The following ESR1 variants were observed in gnomAD, a reference collection of about 807,000 sequenced individuals.
The protein encoded by ESR1 is estrogen receptor.
A neutral mutation model predicts 52.7 loss-of-function variants in ESR1; 12 were observed. That is an observed-to-expected ratio of 0.23 (90% CI 0.15 to 0.37). The LOEUF (loss-of-function observed/expected upper bound fraction) is 0.37, where lower values mean the gene tolerates loss of function less well. Ranked by LOEUF, ESR1 falls within the 10% of genes least tolerant of loss-of-function variation. The pLI is 1.00. For synonymous variants in ESR1, 305 were observed against 316.8 expected (o/e 0.96, Z 0.39); for missense variants, 584 against 779.7 (o/e 0.75, Z 2.99).
At chr6:151,732,133 A>T (rs1000342175) in intron 2 of ESR1, among the ~76,000 whole-genome samples, 6 of 152,362 alleles carry the variant, frequency 3.9e-5, no homozygotes, top group African/African-American at 1.4e-4. Context: ...GATAATTTTT[A>T]TAATAGAGTT....
At chr6:151,835,221 A>G (rs1478154672) in intron 1 of ESR1, among the ~76,000 whole-genome samples, 1 of 152,054 alleles carries the variant, frequency 6.6e-6, no homozygotes, top group Admixed American at 6.6e-5. Context: ...TGGGAAAGAT[A>G]CTTATTTTAA....
At position 151,846,485 on chromosome 6, in the gene ESR1, T is replaced by C. The variant is rs527475040; in HGVS notation, c.643+3698T>C. Reference sequence around the variant, plus strand: ...AAATCACACTGCCCCTCAAACACATTTAAGGATGGTGAAGGGTCTGACACG... The same window carrying C: ...AAATCACACTGCCCCTCAAACACATCTAAGGATGGTGAAGGGTCTGACACG... On this transcript the variant is annotated intron_variant, in intron 2 of 7. Transcript: ENST00000206249. Among the ~76,000 whole-genome samples the C allele has an allele frequency of 4.0e-4, 61 of 152,298 alleles. 1 individual carries two copies. The South Asian group carries it at 0.012, about 31-fold the overall frequency.
At chr6:151,850,635 A>T (rs1583665229) in intron 2 of ESR1, among the ~76,000 whole-genome samples, 1 of 151,498 alleles carries the variant, frequency 6.6e-6, no homozygotes, top group African/African-American at 2.4e-5. Context: ...TTTCTCAGTG[A>T]CTCCCCTGTG....
intron 2 of ESR1, among the ~76,000 whole-genome samples, chr6:151,746,835 C>G (rs538281921): frequency 6.6e-6 from 1 of 152,200 alleles, no homozygotes; most frequent in African/African-American, 2.4e-5. Flanking sequence ...CTGGCCATTG[C>G]CAGCTGCATG....
chr6:151,860,004 C>G (rs894495385), intron 2 of ESR1, among the ~76,000 whole-genome samples: 1 of 152,154 alleles, frequency 6.6e-6, no homozygotes. Context: ...CTCTTGTTGG[C>G]TCTATCCCAT....
intron 1 of ESR1, among the ~76,000 whole-genome samples, chr6:151,677,332 C>G (rs1362549346): frequency 6.6e-6 from 1 of 152,212 alleles, no homozygotes; most frequent in East Asian, 1.9e-4. Flanking sequence ...CTTTATTTCC[C>G]TTTCTGTAAA....
At chr6:152,029,800 G>T (rs1026548541) in intron 5 of ESR1, among the ~76,000 whole-genome samples, 3 of 152,158 alleles carry the variant, frequency 2.0e-5, no homozygotes, top group Non-Finnish European at 4.4e-5. Context: ...ACACCACAAA[G>T]ATACTCCTTG....
At position 151,915,151 on chromosome 6, in the gene ESR1, T is replaced by C. The variant is rs1176870783; in HGVS notation, c.761-29022T>C. On this transcript the variant is annotated intron_variant, in intron 3 of 7. Coordinates refer to ENST00000206249, the MANE Select transcript of ESR1 (RefSeq NM_000125.4). ...CGGAGGTTGCAGTGAGCCGAGATCA[T>C]GCCATTGCACTCCAGCCTGGCGACA... Among the ~76,000 whole-genome samples, 3 of 151,092 alleles carry C rather than the reference T, an allele frequency of 2.0e-5. 1 individual carries two copies. Among genetic ancestry groups the C allele is most frequent in the Non-Finnish European group, 4.4e-5 (3 of 67,858 alleles).
chr6:152,023,519 TC>T (rs1237773618), intron 5 of ESR1, among the ~76,000 whole-genome samples: 1 of 152,208 alleles, frequency 6.6e-6, no homozygotes, highest in Non-Finnish European at 1.5e-5. Flanking sequence ...CAAAAAAATT[TC>T]TTGATAATCA....
chr6:151,768,549 T>C (rs1785245647), intron 2 of ESR1, among the ~76,000 whole-genome samples: 1 of 152,324 alleles, frequency 6.6e-6, no homozygotes, highest in South Asian at 2.1e-4. Flanking sequence ...AAAATAATAC[T>C]GTACCTATGT....
intron 6 of ESR1, among the ~76,000 whole-genome samples, chr6:152,065,863 T>C (rs1179181790): frequency 6.6e-6 from 1 of 152,178 alleles, no homozygotes; most frequent in Non-Finnish European, 1.5e-5. Context: ...TCAGACAACA[T>C]TTCTCTTTCA....
chr6:151,915,723 T>C (rs185434931), intron 3 of ESR1, among the ~76,000 whole-genome samples: 2 of 152,314 alleles, frequency 1.3e-5, no homozygotes, highest in African/African-American at 4.8e-5. Flanking sequence ...TTAAAGAAAA[T>C]ATTATAAATG....
intron 2 of ESR1, among the ~76,000 whole-genome samples, chr6:151,747,081 A>G (rs1783538561): frequency 6.6e-6 from 1 of 152,248 alleles, no homozygotes; most frequent in Non-Finnish European, 1.5e-5. Context: ...TCTGCAAAAA[A>G]TATACACGTA....
At chr6:151,658,996 T>A (rs1050877395) in intron 1 of ESR1, among the ~76,000 whole-genome samples, 2 of 152,214 alleles carry the variant, frequency 1.3e-5, no homozygotes, top group African/African-American at 2.4e-5. Flanking sequence ...TAAACCAAGA[T>A]ATGCTAAGGC....
downstream of ESR1, among the ~76,000 whole-genome samples, chr6:152,105,179 CCTAAGTT>C (rs973405258): frequency 3.3e-5 from 5 of 151,842 alleles, no homozygotes; most frequent in Admixed American, 1.3e-4. Flanking sequence ...TAAGTGTTTC[CCTAAGTT>C]CTATGAGCCA....
intron 5 of ESR1, among the ~76,000 whole-genome samples, chr6:152,035,087 A>G (rs994643469): frequency 2.6e-5 from 4 of 152,156 alleles, no homozygotes; most frequent in African/African-American, 9.7e-5. Context: ...CCATAAAATT[A>G]AAAATTCCAG....
intron 3 of ESR1, among the ~76,000 whole-genome samples, chr6:151,917,246 T>C (rs1257288043): frequency 6.6e-6 from 1 of 152,170 alleles, no homozygotes; most frequent in African/African-American, 2.4e-5. Flanking sequence ...GCAAAACTGC[T>C]AAGAAATGGG....
intron 4 of ESR1, among the ~76,000 whole-genome samples, chr6:151,970,964 T>A (rs2982737): frequency 5.1e-4 from 78 of 152,204 alleles, no homozygotes; most frequent in African/African-American, 1.8e-3. Context: ...CTTTACTCTG[T>A]TATATTTCAC....
chr6:151,934,972 A>G (rs1403188962), intron 3 of ESR1, among the ~76,000 whole-genome samples: 1 of 152,256 alleles, frequency 6.6e-6, no homozygotes, highest in African/African-American at 2.4e-5. Flanking sequence ...AGGTTTCTAC[A>G]GATTGTGCCA....
Sources: gnomAD v4.1 joint callset for allele counts (sites outside exome capture counted in the v4.1 genomes callset) on GRCh38, gnomAD v4.1.1 for gene constraint, MANE v1.5 for transcripts, NCBI Gene and HGNC (gene_info 2026-07-23, HGNC 2026-07-21) for gene names.